LCORL: variants seen among roughly 807,000 people sequenced by gnomAD.
The protein encoded by LCORL is ligand-dependent nuclear receptor corepressor-like protein.
A neutral mutation model predicts 141.8 loss-of-function variants in LCORL; 41 were observed. The observed-to-expected ratio is 0.29, with a 90% CI of 0.23 to 0.38. The LOEUF (loss-of-function observed/expected upper bound fraction) is 0.38, where lower values mean the gene tolerates loss of function less well. Ranked by LOEUF, LCORL falls within the 10% of genes least tolerant of loss-of-function variation. The pLI is 1.00. For missense variants in LCORL, 1,759 were observed against 2,035.0 expected (o/e 0.86, Z 2.61); for synonymous variants, 618 against 694.1 (o/e 0.89, Z 1.72).
intron 7 of LCORL, among the ~76,000 whole-genome samples, 173 bp from the exon 8 acceptor site, chr4:17,846,074 T>C (rs11936996): frequency 0.052 from 7,901 of 152,214 alleles, 712 homozygotes; most frequent in African/African-American, 0.18. Flanking sequence ...CTGAACTAAA[T>C]ACAATGAATA....
intron 4 of LCORL, among the ~76,000 whole-genome samples, chr4:17,917,987 A>G (rs1240091784): frequency 6.6e-6 from 1 of 151,292 alleles, no homozygotes; most frequent in African/African-American, 2.5e-5. Flanking sequence ...TCACTGAAAC[A>G]AACAATTGCA....
At chr4:17,977,074 A>G (rs1717117890) in intron 1 of LCORL, among the ~76,000 whole-genome samples, 1 of 152,162 alleles carries the variant, frequency 6.6e-6, no homozygotes, top group Non-Finnish European at 1.5e-5. Flanking sequence ...ATCTTACAGA[A>G]CAGACTCTCT....
intron 1 of LCORL, among the ~76,000 whole-genome samples, chr4:17,985,894 G>C (rs1264522247): frequency 6.6e-6 from 1 of 152,152 alleles, no homozygotes; most frequent in Non-Finnish European, 1.5e-5. Context: ...GTATTGGCTA[G>C]TAATGATCTT....
chr4:18,003,725 A>G (rs1722347101), intron 1 of LCORL, among the ~76,000 whole-genome samples: 1 of 152,244 alleles, frequency 6.6e-6, no homozygotes, highest in Non-Finnish European at 1.5e-5. Flanking sequence ...CTATATGTCA[A>G]AGCTACAGGG....
At chr4:17,848,109 A>T (rs935107301) in intron 7 of LCORL, among the ~76,000 whole-genome samples, 1 of 152,220 alleles carries the variant, frequency 6.6e-6, no homozygotes, top group African/African-American at 2.4e-5. Flanking sequence ...GGTATAGTAT[A>T]AATTTGGGTA....
chr4:17,865,514 T>C (rs979198119), intron 7 of LCORL, among the ~76,000 whole-genome samples: 1 of 152,054 alleles, frequency 6.6e-6, no homozygotes, highest in African/African-American at 2.4e-5. Flanking sequence ...AAATAATCCA[T>C]GGGCTAAAGA....
intron 4 of LCORL, among the ~76,000 whole-genome samples, chr4:17,946,434 TATA>T (rs1403392123): frequency 1.3e-5 from 2 of 152,042 alleles, no homozygotes; most frequent in Non-Finnish European, 2.9e-5. Context: ...ACCTAAAATA[TATA>T]ATTTAGTAAA....
In LCORL at chr4:17,874,691, A is replaced by C. The variant is rs903692605; in HGVS notation, c.4299T>G (p.Asp1433Glu). The change falls in exon 7 of 8, where the codon GAT becomes GAG. Residue 1433 changes from aspartate (D) to glutamate (E), a missense_variant. Around this residue, in one of 5 missense-constraint regions of LCORL, gnomAD observed 1,311 missense variants for 1,531.3 expected, o/e 0.86. Transcript: ENST00000635767. ...TATTGTTTAATTCCTCTAATAAGGA[A>C]TCATTTGAAGCAGAAGTAGCCCACC... The C allele has an allele frequency of 7.3e-6, 9 of 1,233,806 alleles. No homozygotes were observed. In the African/African-American group the frequency reaches 1.4e-4, roughly 19 times the overall value. 76.4% of individuals were successfully genotyped at this position (1,233,806 alleles called of 1,614,324 possible).
chr4:17,915,955 C>G (rs1290146410), intron 4 of LCORL, among the ~76,000 whole-genome samples: 2 of 152,182 alleles, frequency 1.3e-5, no homozygotes, highest in Non-Finnish European at 2.9e-5. Flanking sequence ...ACCAACCCAA[C>G]TGCCCCCACA....
intron 1 of LCORL, among the ~76,000 whole-genome samples, chr4:18,019,336 CAATA>C (rs917517973): frequency 1.8e-4 from 27 of 152,104 alleles, no homozygotes; most frequent in Admixed American, 1.8e-3. Context: ...GACTCCATCT[CAATA>C]AATAAATAAA....
At chr4:17,847,836 A>G (rs1723115249) in intron 7 of LCORL, among the ~76,000 whole-genome samples, 2 of 152,180 alleles carry the variant, frequency 1.3e-5, no homozygotes, top group Admixed American at 1.3e-4. Flanking sequence ...TTTGATGTAC[A>G]CCTTTTTGAG....
At chr4:17,998,948 G>C (rs564483714) in intron 1 of LCORL, among the ~76,000 whole-genome samples, 14 of 112,842 alleles carry the variant, frequency 1.2e-4, no homozygotes, top group African/African-American at 5.1e-4. Flanking sequence ...CTGGGTGACA[G>C]AGTGAGACCC....
At chr4:17,882,592 C>G in intron 6 of LCORL, 1 of 984,602 alleles carries the variant, frequency 1.0e-6, no homozygotes, top group Non-Finnish European at 1.2e-6. Flanking sequence ...ATTTGTAAAT[C>G]TATTCAAGAC....
At chr4:17,883,607 ATT>A in intron 6 of LCORL, 1 of 1,375,942 alleles carries the variant, frequency 7.3e-7, no homozygotes, top group Non-Finnish European at 9.4e-7. Flanking sequence ...CAGAGTGAGC[ATT>A]TGTAATTCCC....
intron 4 of LCORL, among the ~76,000 whole-genome samples, chr4:17,939,006 T>C (rs948141108): frequency 6.6e-6 from 1 of 152,186 alleles, no homozygotes; most frequent in African/African-American, 2.4e-5. Flanking sequence ...TAAAGCATTA[T>C]TCAACAAACA....
At chr4:17,922,972 C>T (rs1353550820) in intron 4 of LCORL, among the ~76,000 whole-genome samples, 2 of 152,188 alleles carry the variant, frequency 1.3e-5, no homozygotes, top group Admixed American at 1.3e-4. Context: ...TGATGGCCCC[C>T]CCAAGGCAGC....
chr4:17,953,098 A>G (rs1711791367), intron 4 of LCORL, among the ~76,000 whole-genome samples: 1 of 152,134 alleles, frequency 6.6e-6, no homozygotes, highest in Admixed American at 6.5e-5. Context: ...ATGGCTGCAT[A>G]GTATCCTATG....
At chr4:17,904,470 A>G (rs1280130225) in intron 5 of LCORL, among the ~76,000 whole-genome samples, 4 of 152,068 alleles carry the variant, frequency 2.6e-5, no homozygotes, top group Non-Finnish European at 5.9e-5. Flanking sequence ...GCATTTTAAG[A>G]ACTTCTTCCC....
At chr4:17,950,300 A>C (rs1023822577) in intron 4 of LCORL, among the ~76,000 whole-genome samples, 2 of 152,156 alleles carry the variant, frequency 1.3e-5, no homozygotes, top group African/African-American at 4.8e-5. Context: ...TAAACAAGGC[A>C]CTTCTGATAA....
Sources: gnomAD v4.1 joint callset for allele counts (sites outside exome capture counted in the v4.1 genomes callset) on GRCh38, gnomAD v4.1.1 for gene constraint, gnomAD v4.1.1 regional missense constraint, MANE v1.5 for transcripts, NCBI Gene and HGNC (gene_info 2026-07-23, HGNC 2026-07-21) for gene names.